Variants in SSU72 observed in about 807,000 individuals in gnomAD.
The protein encoded by SSU72 is RNA polymerase II subunit A C-terminal domain phosphatase SSU72.
A neutral mutation model predicts 22.7 loss-of-function variants in SSU72; 12 were observed. The observed-to-expected ratio is 0.53, with a 90% confidence interval of 0.34 to 0.86. The LOEUF is 0.86. SSU72 is among the 40% of genes least tolerant of loss of function. SSU72 has a pLI of 0.02. For synonymous variants in SSU72, 116 were observed against 98.3 expected (o/e 1.18, Z -1.06); for missense variants, 151 against 249.8 (o/e 0.60, Z 2.67).
chr1:1,573,323 G>A (rs930927110), intron 1 of SSU72, among the ~76,000 whole-genome samples: 15 of 151,166 alleles, frequency 9.9e-5, no homozygotes, highest in Non-Finnish European at 1.6e-4. Flanking sequence ...CCAGCTACTC[G>A]GGAGGCTGAG....
chr1:1,543,840 C>T (rs748934153), intron 4 of SSU72, 29 bp downstream of exon 4: 2 of 1,571,076 alleles, frequency 1.3e-6, no homozygotes, highest in Non-Finnish European at 1.7e-6. Context: ...ACAACCTCTG[C>T]CCAGCGCGGC....
At chr1:1,570,249 A>G (rs1642710761) in intron 1 of SSU72, among the ~76,000 whole-genome samples, 1 of 151,508 alleles carries the variant, frequency 6.6e-6, no homozygotes, top group Non-Finnish European at 1.5e-5. Flanking sequence ...GTGAGCTATG[A>G]TCACGCCACT....
chr1:1,550,192 GTATA>G (rs1188956150), intron 2 of SSU72, among the ~76,000 whole-genome samples: 2 of 139,274 alleles, frequency 1.4e-5, no homozygotes, highest in African/African-American at 5.4e-5. Flanking sequence ...AAAAAAAAAA[GTATA>G]TATATATATA....
Position 1,564,390 on chromosome 1 carries a change from G to A in SSU72, c.224+383C>T, listed in dbSNP as rs1256128777. ...GCCCGGCTCCATGTGTATCAGGCAC[G>A]CACGCACACACGCACGCACACCAAC... On this transcript the variant is annotated intron_variant, in intron 2 of 4. Transcript: ENST00000291386. 5 of 1,298,368 alleles carry A rather than the reference G, an allele frequency of 3.9e-6. No individual in the cohort carries two copies. In the East Asian group the frequency reaches 7.7e-5, roughly 20 times the overall value. 80.4% of individuals were successfully genotyped at this position (1,298,368 alleles called of 1,614,324 possible). A position where few individuals can be genotyped will look rare whatever the true frequency, so the allele number is the denominator to read the frequency against.
chr1:1,562,542 T>C (rs1336897616), intron 2 of SSU72: 1 of 149,996 alleles, frequency 6.7e-6, no homozygotes, highest in Non-Finnish European at 1.5e-5. Context: ...ACCAGACTCC[T>C]GGAAGGGGCT....
chr1:1,568,196 A>G (rs1642685083), intron 1 of SSU72, among the ~76,000 whole-genome samples: 1 of 152,246 alleles, frequency 6.6e-6, no homozygotes, highest in Non-Finnish European at 1.5e-5. Flanking sequence ...AAAAGCAAGG[A>G]CAGCTTGGAA....
At position 1,542,243 on chromosome 1, in the gene SSU72, G is replaced by C; in HGVS notation, c.484-76C>G. 7.2e-7 allele frequency: 1 copy of C among 1,394,304 alleles called. No homozygotes were observed. Among genetic ancestry groups the C allele is most frequent in the Middle Eastern group, 1.8e-4 (1 of 5,618 alleles). 86.4% of individuals were successfully genotyped at this position (1,394,304 alleles called of 1,614,324 possible). On this transcript the variant is annotated intron_variant, in intron 4 of 4. Coordinates refer to ENST00000291386, the MANE Select transcript of SSU72 (RefSeq NM_014188.3). The surrounding 1 kb of genome is among the most constrained non-coding windows in gnomAD (Gnocchi z 4.4). ...TCCCCCTAACACCTGGATCGCCAGG[G>C]AAACGCCAGGCCTGAGCCAGCAGAA...
chr1:1,555,138 T>C (rs1173004808), intron 2 of SSU72, among the ~76,000 whole-genome samples: 3 of 152,126 alleles, frequency 2.0e-5, no homozygotes, highest in Non-Finnish European at 4.4e-5. Flanking sequence ...CTGCAGAGCC[T>C]GACAGCCATG....
chr1:1,545,061 C>CCAA, intron 2 of SSU72, 59 bp from the exon 3 acceptor site: 4 of 1,573,920 alleles, frequency 2.5e-6, no homozygotes, highest in Non-Finnish European at 3.5e-6. Flanking sequence ...AGCCTGGAAG[C>CCAA]GCCTGTGTCC....
chr1:1,564,319 T>C, intron 2 of SSU72: 1 of 657,556 alleles, frequency 1.5e-6, no homozygotes, highest in East Asian at 2.9e-5. Context: ...AGCTCCGCCC[T>C]CTTCTTTATC....
At position 1,545,569 on chromosome 1, in the gene SSU72, G is replaced by A. The variant is rs186749372; in HGVS notation, c.225-567C>T. On this transcript the variant is annotated intron_variant, in intron 2 of 4. Transcript: ENST00000291386. ...TTATGCCTGTAATCCCAGCACTTTC[G>A]GAGGCCGAGGTGGGCGGATCACGAG... 1,135 of 152,928 alleles carry A rather than the reference G, an allele frequency of 7.4e-3. 10 individuals are homozygous for A. Among genetic ancestry groups the A allele is most frequent in the South Asian group, 0.024 (118 of 4,858 alleles). 9.5% of individuals were successfully genotyped at this position (152,928 alleles called of 1,614,324 possible). A position where few individuals can be genotyped will look rare whatever the true frequency, so the allele number is the denominator to read the frequency against.
intron 2 of SSU72, among the ~76,000 whole-genome samples, chr1:1,557,716 T>C (rs912746509): frequency 1.3e-5 from 2 of 151,614 alleles, no homozygotes; most frequent in African/African-American, 2.4e-5. Context: ...GAGAATCGCT[T>C]GAACCCGGGA....
intron 2 of SSU72, among the ~76,000 whole-genome samples, chr1:1,556,170 C>T (rs973209327): frequency 1.3e-5 from 2 of 152,190 alleles, no homozygotes; most frequent in African/African-American, 2.4e-5. Context: ...CGGTGGCTCA[C>T]GCCTATAATC....
At chr1:1,565,707 C>CAT (rs1642652927) in intron 1 of SSU72, among the ~76,000 whole-genome samples, 7 of 50,272 alleles carry the variant, frequency 1.4e-4, no homozygotes, top group African/African-American at 3.7e-4. Flanking sequence ...AGAACAGATG[C>CAT]CGCGATGGGT....
intron 2 of SSU72, among the ~76,000 whole-genome samples, chr1:1,547,574 A>G (rs1366850644): frequency 6.6e-6 from 1 of 152,248 alleles, no homozygotes; most frequent in Non-Finnish European, 1.5e-5. Context: ...ACCACAGACC[A>G]AGCCATGAGC....
At chr1:1,560,443 C>T (rs992490664) in intron 2 of SSU72, among the ~76,000 whole-genome samples, 2 of 152,172 alleles carry the variant, frequency 1.3e-5, no homozygotes, top group Non-Finnish European at 2.9e-5. Context: ...CTAACTTTAC[C>T]GAAGGCTCGC....
At chr1:1,558,448 G>A (rs1642546863) in intron 2 of SSU72, among the ~76,000 whole-genome samples, 1 of 152,126 alleles carries the variant, frequency 6.6e-6, no homozygotes, top group East Asian at 1.9e-4. Context: ...CACAAGAGAG[G>A]TACAAACAGT....
intron 2 of SSU72, among the ~76,000 whole-genome samples, chr1:1,550,776 C>T (rs796926514): frequency 2.6e-5 from 4 of 152,330 alleles, no homozygotes; most frequent in African/African-American, 7.2e-5. Context: ...GGACCATGGA[C>T]TGGTGCCGGC....
chr1:1,564,351 A>C (rs1000333653), intron 2 of SSU72: 2 of 937,894 alleles, frequency 2.1e-6, no homozygotes, highest in Non-Finnish European at 3.1e-6. Context: ...CGACCTCACC[A>C]GATGTGTGAA....
Sources: gnomAD v4.1 joint callset for allele counts (sites outside exome capture counted in the v4.1 genomes callset) on GRCh38, gnomAD v4.1.1 for gene constraint, Gnocchi (gnomAD v3.1) non-coding constraint, MANE v1.5 for transcripts, NCBI Gene and HGNC (gene_info 2026-07-23, HGNC 2026-07-21) for gene names.